Variants in FAAH2 observed in about 807,000 individuals in gnomAD.
FAAH2 encodes the protein fatty-acid amide hydrolase 2.
FAAH2 carries 60 observed loss-of-function variants against 36.9 expected under a neutral mutation model. The ratio of observed to expected loss-of-function variants is 1.63; its 90% confidence interval spans 1.32 to 2.02. The LOEUF (loss-of-function observed/expected upper bound fraction) is 2.02, where lower values mean the gene tolerates loss of function less well. FAAH2 is among the 30% of genes most tolerant of loss of function. FAAH2 has a pLI of 0.00. For synonymous variants in FAAH2, 214 were observed against 143.8 expected (o/e 1.49, Z -3.49); for missense variants, 689 against 397.5 (o/e 1.73, Z -6.23).
chrX:57,308,620 G>C (rs1381525880), intron 2 of FAAH2, among the ~76,000 whole-genome samples: 3 of 111,572 alleles, frequency 2.7e-5, no homozygotes, highest in Non-Finnish European at 5.7e-5. Context: ...TTAACTGACT[G>C]TACAATATTT....
rs1173866018 is a variant in FAAH2 at position 57,434,048 on chromosome X, A to G, written c.1116+2011A>G. On this transcript the variant is annotated intron_variant, in intron 8 of 10. Transcript: ENST00000374900. ...AAATGCCAGATAAGGAAATCAAAAT[A>G]TTGACTTTAAAAAAGGCTTAATGAA... Among the ~76,000 whole-genome samples the G allele has an allele frequency of 3.7e-5, 4 of 108,516 alleles. 1 individual carries two copies. In the Admixed American group the frequency reaches 4.0e-4, roughly 11 times the overall value. The allele number at this position is 108,516 out of a possible 115,157, so 94.2% of individuals were successfully genotyped here. A position where few individuals can be genotyped will look rare whatever the true frequency, so the allele number is the denominator to read the frequency against.
the FAAH2 span, among the ~76,000 whole-genome samples, chrX:57,203,846 CT>C: frequency 9.0e-6 from 1 of 111,649 alleles, no homozygotes; most frequent in African/African-American, 3.3e-5. Context: ...CTTCTAGATG[CT>C]TTTTTATTCT....
At chrX:57,166,754 A>G in the FAAH2 span, among the ~76,000 whole-genome samples, 1 of 111,840 alleles carries the variant, frequency 8.9e-6, no homozygotes, top group Non-Finnish European at 1.9e-5. Context: ...TCATCACCCT[A>G]TCATATCATA....
chrX:57,183,005 C>T, the FAAH2 span, among the ~76,000 whole-genome samples: 1 of 110,722 alleles, frequency 9.0e-6, no homozygotes, highest in Non-Finnish European at 1.9e-5. Context: ...GACACACACA[C>T]ACACACAAAC....
chrX:57,207,195 A>G, the FAAH2 span, among the ~76,000 whole-genome samples: 2 of 111,161 alleles, frequency 1.8e-5, no homozygotes, highest in African/African-American at 6.5e-5. Context: ...TTGCTCAGGA[A>G]TTGGAACTTG....
chrX:57,433,363 A>T lies in FAAH2; in HGVS notation c.1116+1326A>T, dbSNP rs1003850955. Among the ~76,000 whole-genome samples, 22 of 110,185 alleles carry T rather than the reference A, an allele frequency of 2.0e-4. No homozygotes were observed. In the Admixed American group the frequency reaches 2.1e-3, roughly 11 times the overall value. ...TAGAGCTGGTGGTCATAACCACTTT[A>T]CCATGTTGCTCATTAATAATCACTT... On this transcript the variant is annotated intron_variant, in intron 8 of 10. Coordinates refer to ENST00000374900, the MANE Select transcript of FAAH2 (RefSeq NM_174912.4).
At chrX:57,468,615 C>A (rs746495211) in intron 10 of FAAH2, among the ~76,000 whole-genome samples, 3 of 111,919 alleles carry the variant, frequency 2.7e-5, no homozygotes, top group Non-Finnish European at 5.6e-5. Context: ...ACCAAATCTA[C>A]GTCTGACTGG....
Position 57,488,963 on chromosome X carries a change from G to A in FAAH2, c.*31G>A. 1 of 1,169,687 alleles carries A rather than the reference G, an allele frequency of 8.5e-7. No homozygotes were observed. Among genetic ancestry groups the A allele is most frequent in the Non-Finnish European group, 1.1e-6 (1 of 873,506 alleles). On this transcript the variant is annotated 3_prime_UTR_variant, in exon 11 of 11. Transcript: ENST00000374900. ...CCTTCTGCAAGGTTAATGTGTGTGTGTGTTTGTGTTCGTGTGGTGGTGTTT... is the reference window on the plus strand; with the variant it reads ...CCTTCTGCAAGGTTAATGTGTGTGTATGTTTGTGTTCGTGTGGTGGTGTTT...
At chrX:57,344,976 A>C (rs1212342066) in intron 5 of FAAH2, among the ~76,000 whole-genome samples, 1 of 110,959 alleles carries the variant, frequency 9.0e-6, no homozygotes, top group Non-Finnish European at 1.9e-5. Context: ...TGTGCTGCTG[A>C]AATAAGTTTG....
At chrX:57,284,314 C>T (rs5914076), upstream of FAAH2, among the ~76,000 whole-genome samples, 40,151 of 110,319 alleles carry the variant, frequency 0.36, 6,273 homozygotes, top group Middle Eastern at 0.61. Flanking sequence ...GCAAAGGTTG[C>T]AATGAGCCAA....
intron 5 of FAAH2, among the ~76,000 whole-genome samples, chrX:57,366,216 CT>C (rs766323192): frequency 9.0e-6 from 1 of 111,086 alleles, no homozygotes; most frequent in African/African-American, 3.3e-5. Flanking sequence ...TTGGATGAGG[CT>C]TTTGCTTTTT....
At chrX:57,187,197 A>G in the FAAH2 span, among the ~76,000 whole-genome samples, 1 of 111,612 alleles carries the variant, frequency 9.0e-6, no homozygotes, top group Non-Finnish European at 1.9e-5. Flanking sequence ...CTATCCATGA[A>G]CATCAATTTT....
the FAAH2 span, among the ~76,000 whole-genome samples, chrX:57,149,390 A>G: frequency 9.0e-6 from 1 of 111,240 alleles, no homozygotes; most frequent in South Asian, 3.8e-4. Flanking sequence ...CTGGTCCTGG[A>G]CTTTTTTTGG....
chrX:57,340,823 A>T (rs750232578), intron 4 of FAAH2, among the ~76,000 whole-genome samples: 155 of 111,363 alleles, frequency 1.4e-3, no homozygotes, highest in African/African-American at 4.7e-3. Context: ...GGAGAGCATC[A>T]AGAAGAATAG....
At chrX:57,376,792 T>C (rs2054692273) in intron 5 of FAAH2, among the ~76,000 whole-genome samples, 1 of 112,253 alleles carries the variant, frequency 8.9e-6, no homozygotes, top group African/African-American at 3.2e-5. Flanking sequence ...AGCGTTTTTA[T>C]TTCTCCACAT....
chrX:57,439,002 T>G (rs988317699), intron 8 of FAAH2, among the ~76,000 whole-genome samples: 68 of 111,132 alleles, frequency 6.1e-4, no homozygotes, highest in Non-Finnish European at 8.1e-4. Context: ...AGTCTATCGT[T>G]GTTGGACATT....
chrX:57,310,557 T>C, intron 2 of FAAH2, 36 bp from the exon 3 acceptor site: 1 of 1,174,811 alleles, frequency 8.5e-7, no homozygotes, highest in South Asian at 2.0e-5. Context: ...GGATGACTTG[T>C]TTAGTTAAAG....
chrX:57,151,820 G>A, the FAAH2 span, among the ~76,000 whole-genome samples: 27 of 111,729 alleles, frequency 2.4e-4, no homozygotes, highest in Non-Finnish European at 4.5e-4. Flanking sequence ...TTCCTTTGGA[G>A]GAGGAGAGGC....
chrX:57,157,797 G>T, the FAAH2 span, among the ~76,000 whole-genome samples: 1 of 111,098 alleles, frequency 9.0e-6, no homozygotes, highest in Non-Finnish European at 1.9e-5. Context: ...AAGCCAATTT[G>T]CTCAGTTTAA....
Sources: gnomAD v4.1 joint callset for allele counts (sites outside exome capture counted in the v4.1 genomes callset) on GRCh38, gnomAD v4.1.1 for gene constraint, MANE v1.5 for transcripts, NCBI Gene and HGNC (gene_info 2026-07-23, HGNC 2026-07-21) for gene names.